IRAK1: variants seen among roughly 807,000 people sequenced by gnomAD.
The protein encoded by IRAK1 is interleukin-1 receptor-associated kinase 1.
A neutral mutation model predicts 49.8 loss-of-function variants in IRAK1; 9 were observed. The ratio of observed to expected loss-of-function variants is 0.18; its 90% CI spans 0.11 to 0.32. IRAK1 has a LOEUF of 0.32. Among genes scored for constraint, IRAK1 ranks in the 10% least tolerant of loss-of-function variants. The pLI, the probability that IRAK1 is intolerant of heterozygous loss-of-function variation, is 1.00. For missense variants in IRAK1, 418 were observed against 600.5 expected (o/e 0.70, Z 3.18); for synonymous variants, 282 against 270.8 (o/e 1.04, Z -0.41).
intron 12 of IRAK1, 37 bp downstream of exon 12, chrX:154,013,006 C>T (rs781826541): frequency 1.7e-6 from 2 of 1,195,216 alleles, no homozygotes; most frequent in South Asian, 3.7e-5. Flanking sequence ...CCAAAGAGGC[C>T]TTGGTCCCTC....
chrX:154,016,698 G>T, intron 8 of IRAK1, 54 bp from the exon 9 acceptor site: 1 of 1,041,138 alleles, frequency 9.6e-7, no homozygotes, highest in Non-Finnish European at 1.3e-6. Context: ...ACACCTGCCC[G>T]GCTTAGATAA....
Position 154,011,839 on chromosome X carries a change from GA to G in IRAK1, c.*19del, listed in dbSNP as rs1557127572. On this transcript the variant is annotated 3_prime_UTR_variant, in exon 14 of 14. Transcript: ENST00000369980. Reference sequence around the variant, plus strand: ...AGAACTTTGACTTCCGGATTTGGGGGATCTGCCCAGGTGAACACATCAGCTC... The same window carrying G: ...AGAACTTTGACTTCCGGATTTGGGGGTCTGCCCAGGTGAACACATCAGCTC... 8.3e-7 allele frequency: 1 copy of G among 1,201,915 alleles called. No homozygotes were observed. The highest frequency in any genetic ancestry group is 3.0e-5 in the East Asian group (1 of 33,751).
In IRAK1 at chrX:154,013,164, G is replaced by A; in HGVS notation, c.1809C>T (p.His603=). 1 of 1,209,700 alleles carries A rather than the reference G, an allele frequency of 8.3e-7. No individual in the cohort carries two copies. The highest frequency in any genetic ancestry group is 1.1e-6 in the Non-Finnish European group (1 of 895,153). The change falls in exon 12 of 14, where the codon CAC becomes CAT. Residue 603 remains histidine, a synonymous_variant. Coordinates refer to ENST00000369980, the MANE Select transcript of IRAK1 (RefSeq NM_001569.4). ...GGLSAALRSW[H]LTPSCPLDPA... is the part of the protein sequence containing the mutation. ...GGTCCAGAGGGCAGCTTGGAGTCAA[G>A]TGCCAGGAGCGCAGGGCAGCAGAGA... is the stretch of plus-strand genomic sequence containing the variant.
At position 154,014,295 on chromosome X, in the gene IRAK1, G is replaced by A; in HGVS notation, c.1303-17C>T. The A allele has an allele frequency of 5.0e-6, 6 of 1,203,478 alleles. No individual in the cohort carries two copies. Among genetic ancestry groups the A allele is most frequent in the Non-Finnish European group, 6.7e-6 (6 of 892,523 alleles). On this transcript the variant is annotated splice_polypyrimidine_tract_variant and intron_variant, in intron 10 of 13. Coordinates refer to ENST00000369980, the MANE Select transcript of IRAK1 (RefSeq NM_001569.4). ...CAGGTCTTTCTGTGGGATAAATACT[G>A]TCAGTATGGCTACCAGGTGGCCACA...
chrX:154,016,725 G>T, intron 8 of IRAK1, 81 bp from the exon 9 acceptor site: 1 of 870,876 alleles, frequency 1.1e-6, no homozygotes, highest in Non-Finnish European at 1.6e-6. Context: ...ACTCGAGGCT[G>T]CCAGCCCGGT....
chrX:154,013,334 A>G lies in IRAK1; in HGVS notation c.1639T>C (p.Tyr547His). The change falls in exon 12 of 14, where the codon TAC becomes CAC. Residue 547 changes from tyrosine to histidine, a missense_variant. This residue lies in a region of IRAK1 where 377 missense variants were observed against 499.5 expected (regional missense o/e 0.75). Coordinates refer to ENST00000369980, the MANE Select transcript of IRAK1 (RefSeq NM_001569.4). ...TGGGCTCTGCCAGTGCTGGACACGT[A>G]GGAGTTCTCCTGCGGGGAAGGGGGG... is the stretch of plus-strand genomic sequence containing the variant. ...CIPPSPQENS[Y>H]VSSTGRAHSG... 1 of 1,207,090 alleles carries G rather than the reference A, an allele frequency of 8.3e-7. No individual in the cohort carries two copies. Among genetic ancestry groups the G allele is most frequent in the Non-Finnish European group, 1.1e-6 (1 of 893,802 alleles).
In IRAK1 at chrX:154,016,923, G is replaced by A. The variant is rs368957386; in HGVS notation, c.1028+26C>T. On this transcript the variant is annotated intron_variant, in intron 8 of 13. Transcript: ENST00000369980. ...CCCCCCTTGCTGCAGGCCCTGCCCC[G>A]GCAGTTCTCAAGGGCCCCTCCTCAC... The A allele has an allele frequency of 1.3e-4, 141 of 1,085,860 alleles. No individual in the cohort carries two copies. The East Asian group carries it at 1.5e-3, about 12-fold the overall frequency. The allele number at this position is 1,085,860 out of a possible 1,213,427, so 89.5% of individuals were successfully genotyped here. A position where few individuals can be genotyped will look rare whatever the true frequency, so the allele number is the denominator to read the frequency against.
At chrX:154,013,849 G>T (rs1312911957) in intron 11 of IRAK1, among the ~76,000 whole-genome samples, 193 bp downstream of exon 11, 1 of 112,265 alleles carries the variant, frequency 8.9e-6, no homozygotes, top group Non-Finnish European at 1.9e-5. Context: ...TCGGAGCTGG[G>T]CTCCGCAAAG....
intron 5 of IRAK1, 112 bp downstream of exon 5, chrX:154,018,487 C>T (rs911055905): frequency 1.5e-4 from 138 of 898,490 alleles, no homozygotes; most frequent in Non-Finnish European, 1.5e-4. Flanking sequence ...AGGGACCCTA[C>T]GCCAGAATGA....
chrX:154,016,458 C>A lies in IRAK1; in HGVS notation c.1215G>T (p.Thr405=). Residue 405 remains threonine, a synonymous_variant, in exon 9 of 14, where the codon ACG becomes ACT. Transcript: ENST00000369980. ...YIKTGRLAVD[T]DTFSFGVVVL... is the part of the protein sequence containing the mutation. ...TCACCACCCCAAAGCTGAAGGTGTCCGTGTCCACAGCCAGCCTTCCCGTCT... is the reference window on the plus strand; with the variant it reads ...TCACCACCCCAAAGCTGAAGGTGTCAGTGTCCACAGCCAGCCTTCCCGTCT... 8.3e-7 allele frequency: 1 copy of A among 1,211,275 alleles called. No individual in the cohort carries two copies. The highest frequency in any genetic ancestry group is 1.1e-6 in the Non-Finnish European group (1 of 894,834).
chrX:154,014,863 G>A (rs185990274), intron 10 of IRAK1, among the ~76,000 whole-genome samples: 171 of 111,926 alleles, frequency 1.5e-3, no homozygotes, highest in African/African-American at 5.1e-3. Context: ...ACTTCCTGGT[G>A]GGGGAGAGCC....
Position 154,014,129 on chromosome X carries a change from G to A in IRAK1, c.1452C>T (p.Pro484=). 1 of 1,207,183 alleles carries A rather than the reference G, an allele frequency of 8.3e-7. No individual in the cohort carries two copies. ...YKKHLDPRPG[P]CPPELGLGLG... ...GGCCCAGGCCCAGCTCAGGTGGGCA[G>A]GGCCCGGGCCTGGGGTCCAGGTGCT... The change falls in exon 11 of 14, where the codon CCC becomes CCT. Residue 484 remains proline (P), a synonymous_variant. Transcript: ENST00000369980.
At chrX:154,016,897 GC>G in intron 8 of IRAK1, 51 bp downstream of exon 8, 1 of 946,691 alleles carries the variant, frequency 1.1e-6, no homozygotes, top group Non-Finnish European at 1.5e-6. Context: ...AGGACGCGGG[GC>G]CCCCCTTGCT....
chrX:154,010,667 A>G lies in IRAK1; in HGVS notation c.*1192T>C, dbSNP rs1431640654. On this transcript the variant is annotated 3_prime_UTR_variant, in exon 14 of 14. Coordinates refer to ENST00000369980, the MANE Select transcript of IRAK1 (RefSeq NM_001569.4). ...GACACGCAAGAGGACACTCGGTTAC[A>G]TGAAACCTGACTTGCTTCTGAAGAC... 3 of 221,020 alleles carry G rather than the reference A, an allele frequency of 1.4e-5. No individual in the cohort carries two copies. The highest frequency in any genetic ancestry group is 1.1e-4 in the East Asian group (1 of 9,185). 18.2% of individuals were successfully genotyped at this position (221,020 alleles called of 1,213,427 possible). A position where few individuals can be genotyped will look rare whatever the true frequency, so the allele number is the denominator to read the frequency against.
intron 10 of IRAK1, among the ~76,000 whole-genome samples, chrX:154,015,658 G>A (rs782329640): frequency 1.8e-5 from 2 of 112,052 alleles, no homozygotes; most frequent in African/African-American, 3.2e-5. Flanking sequence ...TGCACGGTGC[G>A]GAGAGCTCAG....
At chrX:154,016,244 C>T in intron 9 of IRAK1, 147 bp from the exon 10 acceptor site, 1 of 606,822 alleles carries the variant, frequency 1.6e-6, no homozygotes, top group Middle Eastern at 3.2e-4. Flanking sequence ...GGAGAGCCCA[C>T]TTGAAGACAA....
chrX:154,016,015 T>G lies in IRAK1; in HGVS notation c.1302+17A>C. On this transcript the variant is annotated intron_variant, in intron 10 of 13. Transcript: ENST00000369980. Reference sequence around the variant, plus strand: ...AGCAGCTGTGTGTCCCTCCTGGCCCTGCCTCAAGGGGCTCACCAGATACTT... The same window carrying G: ...AGCAGCTGTGTGTCCCTCCTGGCCCGGCCTCAAGGGGCTCACCAGATACTT... The G allele has an allele frequency of 8.3e-7, 1 of 1,199,562 alleles. No individual in the cohort carries two copies. Among genetic ancestry groups the G allele is most frequent in the Non-Finnish European group, 1.1e-6 (1 of 884,640 alleles).
intron 13 of IRAK1, among the ~76,000 whole-genome samples, chrX:154,012,268 G>C (rs782581710): frequency 1.8e-5 from 2 of 112,622 alleles, no homozygotes; most frequent in Non-Finnish European, 3.8e-5. Flanking sequence ...TTCCTGCTGG[G>C]GCTTCCTATT....
In IRAK1 at chrX:154,012,863, G is replaced by A. The variant is rs11465840; in HGVS notation, c.1930+180C>T. 3.3e-3 allele frequency among the ~76,000 whole-genome samples: 375 copies of A among 113,076 alleles called. 2 individuals are homozygous for A. Among genetic ancestry groups the A allele is most frequent in the African/African-American group, 0.011 (354 of 31,248 alleles). ...TCAGGAATGGGGTGGGGGGAGGGCT[G>A]GAGAGCAAGCTCCACCTGGGAAGGA... On this transcript the variant is annotated intron_variant, in intron 12 of 13. Transcript: ENST00000369980.
Sources: gnomAD v4.1 joint callset for allele counts (sites outside exome capture counted in the v4.1 genomes callset) on GRCh38, gnomAD v4.1.1 for gene constraint, gnomAD v4.1.1 regional missense constraint, MANE v1.5 for transcripts, NCBI Gene and HGNC (gene_info 2026-07-23, HGNC 2026-07-21) for gene names.